CDYL: variants seen among roughly 807,000 people sequenced by gnomAD.
CDYL encodes chromodomain Y like.
In CDYL, 8 loss-of-function variants were observed where a neutral mutation model predicts 47.3. That is an observed-to-expected ratio of 0.17 (90% CI 0.10 to 0.31). The LOEUF is 0.31. Ranked by LOEUF, CDYL falls within the 10% of genes least tolerant of loss-of-function variation. The probability of loss-of-function intolerance (pLI) is 1.00; values close to 1 mark genes in which losing one functional copy is unlikely to be tolerated. For missense variants in CDYL, 471 were observed against 701.4 expected, an observed-to-expected ratio of 0.67 and a Z score of 3.71; for synonymous variants, 266 against 265.0, an observed-to-expected ratio of 1.00 and a Z score of -0.04.
At chr6:4,951,376 A>G (rs1758699672) in intron 5 of CDYL, among the ~76,000 whole-genome samples, 1 of 151,998 alleles carries the variant, frequency 6.6e-6, no homozygotes, top group African/African-American at 2.4e-5. Context: ...TTATCTCGGC[A>G]TCTGTGAGCC....
At chr6:4,734,950 C>T in intron 3 of CDYL, 4 of 1,499,244 alleles carry the variant, frequency 2.7e-6, no homozygotes, top group Non-Finnish European at 3.6e-6. Flanking sequence ...CTGTCCTGTG[C>T]TTGGGTCCCT....
At chr6:4,722,156 G>A (rs932474468) in intron 2 of CDYL, among the ~76,000 whole-genome samples, 2 of 152,150 alleles carry the variant, frequency 1.3e-5, no homozygotes, top group Non-Finnish European at 2.9e-5. Flanking sequence ...CCCGGCCAGA[G>A]AAATATTTTT....
chr6:4,722,683 C>A (rs181831515), intron 2 of CDYL, among the ~76,000 whole-genome samples: 2 of 152,250 alleles, frequency 1.3e-5, no homozygotes, highest in Admixed American at 1.3e-4. Flanking sequence ...TTGAGACCAG[C>A]CTGACCAACG....
intron 2 of CDYL, among the ~76,000 whole-genome samples, chr6:4,906,750 A>T (rs1463974502): frequency 1.3e-5 from 2 of 152,216 alleles, no homozygotes; most frequent in African/African-American, 4.8e-5. Context: ...CAAGAGGAAG[A>T]GTGGTGTAAA....
intron 2 of CDYL, among the ~76,000 whole-genome samples, chr6:4,929,504 A>ACACACG (rs1197947566): frequency 2.7e-5 from 4 of 150,926 alleles, no homozygotes; most frequent in Non-Finnish European, 5.9e-5. Flanking sequence ...ACACACACAC[A>ACACACG]CACACACACA....
intron 1 of CDYL, among the ~76,000 whole-genome samples, chr6:4,850,754 A>C (rs1046077731): frequency 6.6e-6 from 1 of 152,240 alleles, no homozygotes; most frequent in Admixed American, 6.5e-5. Context: ...CTGACTGATG[A>C]ATAAGGTGAA....
In CDYL at chr6:4,734,796, C is replaced by T. The variant is rs1757672594; in HGVS notation, c.138C>T (p.Ile46=). 7 of 1,614,154 alleles carry T rather than the reference C, an allele frequency of 4.3e-6. No homozygotes were observed. In the South Asian group the frequency reaches 7.7e-5, roughly 18 times the overall value. ...CAGATGGGCCTTCAGACCCCAGCATCTCCGTGAGCAGTGAGCAAAGCGGGG... is the reference window on the plus strand; with the variant it reads ...CAGATGGGCCTTCAGACCCCAGCATTTCCGTGAGCAGTGAGCAAAGCGGGG... The change falls in exon 3 of 9, where the codon ATC becomes ATT. Residue 46 remains isoleucine, a synonymous_variant. Coordinates refer to the CDYL transcript ENST00000328908.
intron 1 of CDYL, among the ~76,000 whole-genome samples, chr6:4,706,909 G>C (rs574652655): frequency 1.6e-3 from 242 of 152,252 alleles, no homozygotes; most frequent in African/African-American, 5.5e-3. Context: ...CAGGCCAGTG[G>C]GGACTCGCCA....
In CDYL at chr6:4,804,193, C is replaced by T. The variant is rs144526304; in HGVS notation, c.24+27386C>T. 2.6e-4 allele frequency among the ~76,000 whole-genome samples: 40 copies of T among 152,278 alleles called. No individual in the cohort carries two copies. The East Asian group carries it at 7.4e-3, about 28-fold the overall frequency. ...ATGAGGTCTGGGAGAGCTGAGGCCA[C>T]TCCCCCTGTTTTACAGGAGGAAGGT... On this transcript the variant is annotated intron_variant, in intron 1 of 6. Coordinates refer to ENST00000397588, the MANE Select transcript of CDYL (RefSeq NM_004824.4).
At chr6:4,836,333 A>G (rs1760305336) in intron 1 of CDYL, 3 of 867,492 alleles carry the variant, frequency 3.5e-6, no homozygotes, top group Non-Finnish European at 2.8e-6. Context: ...TTTATTTTAT[A>G]CGTGTGCTTT....
intron 2 of CDYL, among the ~76,000 whole-genome samples, chr6:4,900,774 C>CGT (rs368919776): frequency 0.071 from 1,915 of 26,806 alleles, 506 homozygotes; most frequent in South Asian, 0.093. Flanking sequence ...ATTCCGTATA[C>CGT]GTGTGTATAT....
intron 2 of CDYL, chr6:4,724,767 G>C (rs1418864354): frequency 1.3e-5 from 2 of 152,194 alleles, no homozygotes; most frequent in Non-Finnish European, 2.9e-5. Flanking sequence ...AAACCTTCGG[G>C]TGAGTGCTAC....
chr6:4,718,696 G>A (rs1434218357), intron 2 of CDYL: 1 of 152,096 alleles, frequency 6.6e-6, no homozygotes, highest in Admixed American at 6.5e-5. Flanking sequence ...TGCAATTAAG[G>A]CAAATTAATA....
intron 2 of CDYL, among the ~76,000 whole-genome samples, chr6:4,927,415 C>T (rs968482604): frequency 5.7e-4 from 65 of 114,670 alleles, no homozygotes; most frequent in African/African-American, 1.9e-3. Flanking sequence ...TTCCATCATT[C>T]GAATTTACTG....
chr6:4,927,588 G>A (rs1757916922), intron 2 of CDYL, among the ~76,000 whole-genome samples: 1 of 151,900 alleles, frequency 6.6e-6, no homozygotes, highest in Non-Finnish European at 1.5e-5. Flanking sequence ...ACTAATTTTT[G>A]CATTTTTAGT....
At position 4,936,290 on chromosome 6, in the gene CDYL, C is replaced by T. The variant is rs148469122; in HGVS notation, c.948+519C>T. On this transcript the variant is annotated intron_variant, in intron 3 of 6. Coordinates refer to ENST00000397588, the MANE Select transcript of CDYL (RefSeq NM_004824.4). ...AGCAACAGGGATTTCCACACATGCT[C>T]ATTGCTGATAGTGCCTAGTAAGTAA... Among the ~76,000 whole-genome samples the T allele has an allele frequency of 6.3e-3, 959 of 152,328 alleles. 6 individuals are homozygous for T. Among genetic ancestry groups the T allele is most frequent in the Admixed American group, 0.012 (181 of 15,302 alleles).
intron 1 of CDYL, among the ~76,000 whole-genome samples, chr6:4,886,611 A>G (rs1384415934): frequency 3.3e-5 from 5 of 152,054 alleles, no homozygotes; most frequent in African/African-American, 1.2e-4. Flanking sequence ...TATGTTTGAT[A>G]TAAGTCCCTT....
At position 4,866,939 on chromosome 6, in the gene CDYL, T is replaced by C. The variant is rs150728420; in HGVS notation, c.25-24774T>C. Among the ~76,000 whole-genome samples the C allele has an allele frequency of 4.0e-3, 611 of 152,208 alleles. 4 individuals carry two copies. The highest frequency in any genetic ancestry group is 0.013 in the African/African-American group (553 of 41,564). ...AGAGAGAAGAAAAAAAGGAACTAAA[T>C]TGATCCTCTAGTTTGGTTTTATTTT... On this transcript the variant is annotated intron_variant, in intron 1 of 6. Transcript: ENST00000397588.
At chr6:4,897,242 A>G (rs1419463189) in intron 2 of CDYL, among the ~76,000 whole-genome samples, 1 of 152,270 alleles carries the variant, frequency 6.6e-6, no homozygotes, top group Non-Finnish European at 1.5e-5. Context: ...GCTATTAGCA[A>G]ACTTAAAACA....
Sources: allele counts gnomAD v4.1 joint callset (sites outside exome capture counted in the v4.1 genomes callset), GRCh38; gene constraint gnomAD v4.1.1; transcripts MANE v1.5; gene names NCBI Gene and HGNC (gene_info 2026-07-23, HGNC 2026-07-21).